DRC11: variants seen among roughly 807,000 people sequenced by gnomAD.
The protein encoded by DRC11 is dynein regulatory complex subunit 11, also known as IQ and AAA domain-containing protein 1.
At chr2:236,483,670 T>C in the DRC11 span, among the ~76,000 whole-genome samples, 1 of 152,154 alleles carries the variant, frequency 6.6e-6, no homozygotes, top group Non-Finnish European at 1.5e-5. This position sits in a 1 kb window ranked among gnomAD's most constrained non-coding sequence, Gnocchi z 4.8. Context: ...GGAGAGGCCA[T>C]GACTGCAGAT....
At chr2:236,502,654 A>C in the DRC11 span, among the ~76,000 whole-genome samples, 1 of 151,828 alleles carries the variant, frequency 6.6e-6, no homozygotes, top group Non-Finnish European at 1.5e-5. Flanking sequence ...ACCAATAAAG[A>C]ACAATAAATA....
At chr2:236,461,728 T>C in the DRC11 span, among the ~76,000 whole-genome samples, 16 of 152,332 alleles carry the variant, frequency 1.1e-4, 1 homozygote, top group Admixed American at 8.5e-4. The surrounding 1 kb of genome is among the most constrained non-coding windows in gnomAD (Gnocchi z 4.0). Flanking sequence ...CTTGTCCTTA[T>C]ATCACAGATG....
At chr2:236,461,344 A>G in the DRC11 span, among the ~76,000 whole-genome samples, 1 of 152,244 alleles carries the variant, frequency 6.6e-6, no homozygotes, top group African/African-American at 2.4e-5. The surrounding 1 kb of genome is among the most constrained non-coding windows in gnomAD (Gnocchi z 4.0). Flanking sequence ...TATGGAAAGG[A>G]AAGTTTTAGG....
chr2:236,377,218 C>G, the DRC11 span: 58 of 1,364,848 alleles, frequency 4.2e-5, no homozygotes, highest in East Asian at 1.1e-3. The surrounding 1 kb of genome is among the most constrained non-coding windows in gnomAD (Gnocchi z 4.9). Flanking sequence ...GTTCCAGAGG[C>G]ACACACACAG....
the DRC11 span, among the ~76,000 whole-genome samples, chr2:236,375,698 A>C: frequency 4.6e-5 from 7 of 152,208 alleles, no homozygotes; most frequent in African/African-American, 1.7e-4. This position sits in a 1 kb window ranked among gnomAD's most constrained non-coding sequence, Gnocchi z 4.2. Flanking sequence ...TCACAGACCA[A>C]AATTGGGTCA....
chr2:236,401,132 A>AC, the DRC11 span, among the ~76,000 whole-genome samples: 1 of 151,052 alleles, frequency 6.6e-6, no homozygotes, highest in East Asian at 2.0e-4. This position sits in a 1 kb window ranked among gnomAD's most constrained non-coding sequence, Gnocchi z 4.6. Context: ...ACCACACACA[A>AC]CCCCCACAGG....
the DRC11 span, among the ~76,000 whole-genome samples, chr2:236,471,618 A>G: frequency 6.6e-6 from 1 of 152,220 alleles, no homozygotes; most frequent in Admixed American, 6.5e-5. This position sits in a 1 kb window ranked among gnomAD's most constrained non-coding sequence, Gnocchi z 4.6. Context: ...CTACTGCCAG[A>G]CACTAGTTTA....
the DRC11 span, among the ~76,000 whole-genome samples, chr2:236,462,391 G>A: frequency 6.6e-5 from 10 of 152,290 alleles, no homozygotes; most frequent in East Asian, 3.9e-4. This position sits in a 1 kb window ranked among gnomAD's most constrained non-coding sequence, Gnocchi z 6.4. Context: ...CCCACCAGGC[G>A]CCGGGTGCGG....
the DRC11 span, among the ~76,000 whole-genome samples, chr2:236,474,059 A>C: frequency 6.6e-6 from 1 of 152,202 alleles, no homozygotes. Flanking sequence ...TTCAATTGCA[A>C]ACATTTCTTT....
chr2:236,491,239 ATACACAG>A, the DRC11 span, among the ~76,000 whole-genome samples: 374 of 68,662 alleles, frequency 5.4e-3, 28 homozygotes, highest in Non-Finnish European at 8.7e-3. Flanking sequence ...ATATATATAT[ATACACAG>A]TATATATATA....
chr2:236,459,541 G>A, the DRC11 span, among the ~76,000 whole-genome samples: 8 of 73,282 alleles, frequency 1.1e-4, no homozygotes, highest in South Asian at 3.5e-4. Flanking sequence ...ATACGTATAC[G>A]TATACGTATA....
the DRC11 span, among the ~76,000 whole-genome samples, chr2:236,310,312 C>G: frequency 6.6e-6 from 1 of 152,200 alleles, no homozygotes; most frequent in Non-Finnish European, 1.5e-5. This position sits in a 1 kb window ranked among gnomAD's most constrained non-coding sequence, Gnocchi z 5.5. Context: ...ACAGAAACAT[C>G]TGCAGAAGAA....
chr2:236,444,096 G>T, the DRC11 span, among the ~76,000 whole-genome samples: 1 of 150,156 alleles, frequency 6.7e-6, no homozygotes, highest in Non-Finnish European at 1.5e-5. Context: ...TTAGACCTTT[G>T]TCAGATATAT....
chr2:236,463,720 A>C, the DRC11 span, among the ~76,000 whole-genome samples: 1 of 152,232 alleles, frequency 6.6e-6, no homozygotes, highest in Non-Finnish European at 1.5e-5. This position sits in a 1 kb window ranked among gnomAD's most constrained non-coding sequence, Gnocchi z 5.0. Context: ...CTATTGCTGC[A>C]TAACAAGTCA....
chr2:236,466,739 C>G, the DRC11 span, among the ~76,000 whole-genome samples: 1 of 152,324 alleles, frequency 6.6e-6, no homozygotes, highest in Admixed American at 6.5e-5. Flanking sequence ...GAGAGATCTG[C>G]CCCCAAGATC....
At chr2:236,359,485 T>C in the DRC11 span, among the ~76,000 whole-genome samples, 1 of 152,202 alleles carries the variant, frequency 6.6e-6, no homozygotes, top group Non-Finnish European at 1.5e-5. This position sits in a 1 kb window ranked among gnomAD's most constrained non-coding sequence, Gnocchi z 4.3. Context: ...CATTTCCCTG[T>C]AGTTGCATTG....
the DRC11 span, among the ~76,000 whole-genome samples, chr2:236,439,970 C>G: frequency 6.6e-6 from 1 of 152,080 alleles, no homozygotes; most frequent in East Asian, 1.9e-4. Flanking sequence ...TTTAAAGAAT[C>G]GTAAAATATG....
chr2:236,346,252 T>A, the DRC11 span, among the ~76,000 whole-genome samples: 1 of 152,254 alleles, frequency 6.6e-6, no homozygotes, highest in Admixed American at 6.5e-5. Context: ...GCCACCTATG[T>A]TGTGCCCAGC....
At chr2:236,496,543 A>G in the DRC11 span, among the ~76,000 whole-genome samples, 1 of 152,164 alleles carries the variant, frequency 6.6e-6, no homozygotes, top group Non-Finnish European at 1.5e-5. The surrounding 1 kb of genome is among the most constrained non-coding windows in gnomAD (Gnocchi z 6.3). Flanking sequence ...GGGCAGCAGC[A>G]GGGGCCGAAT....
Sources: gnomAD v4.1 joint callset for allele counts (sites outside exome capture counted in the v4.1 genomes callset) on GRCh38, gnomAD v4.1.1 for gene constraint, Gnocchi (gnomAD v3.1) non-coding constraint, MANE v1.5 for transcripts, NCBI Gene and HGNC (gene_info 2026-07-23, HGNC 2026-07-21) for gene names.